The following ERP44 variants were observed in gnomAD, a reference collection of about 807,000 sequenced individuals.
ERP44 encodes the protein endoplasmic reticulum protein 44, also known as endoplasmic reticulum resident protein 44.
ERP44 carries 25 observed loss-of-function variants against 53.4 expected under a neutral mutation model. The ratio of observed to expected loss-of-function variants is 0.47; its 90% confidence interval spans 0.34 to 0.65. ERP44 has a LOEUF of 0.65. Ranked by LOEUF, ERP44 falls within the 30% of genes least tolerant of loss-of-function variation. ERP44 has a pLI of 0.01. For synonymous variants in ERP44, 145 were observed against 161.2 expected (o/e 0.90, Z 0.76); for missense variants, 338 against 493.2 (o/e 0.69, Z 2.98).
intron 10 of ERP44, among the ~76,000 whole-genome samples, chr9:100,002,944 G>C (rs143631600): frequency 7.8e-4 from 119 of 151,848 alleles, no homozygotes; most frequent in African/African-American, 2.8e-3. Context: ...CCTATAACTT[G>C]AATATTTACT....
At chr9:100,043,291 A>AAAAAAAAAAAAAAAAAAACAAAAAG (rs1168903331) in intron 4 of ERP44, among the ~76,000 whole-genome samples, 1 of 74,878 alleles carries the variant, frequency 1.3e-5, no homozygotes, top group African/African-American at 5.8e-5. Flanking sequence ...AAAAAAAAAA[A>AAAAAAAAAAAAAAAAAAACAAAAAG]GATAAATAAG....
chr9:100,094,757 T>A (rs559689788), intron 1 of ERP44, among the ~76,000 whole-genome samples: 5 of 151,186 alleles, frequency 3.3e-5, no homozygotes, highest in African/African-American at 9.7e-5. Flanking sequence ...GAGCCAGGAG[T>A]TCAAGACCAG....
In ERP44 at chr9:100,013,817, C is replaced by G. The variant is rs139672140; in HGVS notation, c.762+2505G>C. Among the ~76,000 whole-genome samples the G allele has an allele frequency of 4.5e-4, 69 of 152,198 alleles. 1 individual carries two copies. The highest frequency in any genetic ancestry group is 1.5e-3 in the African/African-American group (61 of 41,510). ...TATATATATCCAGTAGAAATCTGTG[C>G]ATATATTCACCAAAGACATAGATAA... On this transcript the variant is annotated intron_variant, in intron 8 of 11. Coordinates refer to ENST00000262455, the MANE Select transcript of ERP44 (RefSeq NM_015051.3).
intron 4 of ERP44, among the ~76,000 whole-genome samples, chr9:100,049,226 A>G (rs1170142713): frequency 6.6e-6 from 1 of 152,174 alleles, no homozygotes; most frequent in Non-Finnish European, 1.5e-5. Context: ...CCTGGGCAAC[A>G]TAAGGAGACC....
intron 1 of ERP44, among the ~76,000 whole-genome samples, chr9:100,088,443 T>C (rs1826511393): frequency 6.6e-6 from 1 of 152,180 alleles, no homozygotes; most frequent in Non-Finnish European, 1.5e-5. Flanking sequence ...CTCCCTCACT[T>C]GCTTCAAGGC....
intron 7 of ERP44, among the ~76,000 whole-genome samples, chr9:100,017,691 T>G (rs2118648290): frequency 6.6e-6 from 1 of 152,236 alleles, no homozygotes; most frequent in African/African-American, 2.4e-5. Flanking sequence ...GTAAAAAAAA[T>G]TGCAATGGCA....
chr9:100,082,858 G>A (rs1826442560), intron 1 of ERP44, among the ~76,000 whole-genome samples: 1 of 151,700 alleles, frequency 6.6e-6, no homozygotes, highest in African/African-American at 2.4e-5. Flanking sequence ...ATCCTCATGA[G>A]AATATATTTC....
chr9:100,031,554 C>T (rs1042752603), intron 4 of ERP44, among the ~76,000 whole-genome samples: 3 of 152,176 alleles, frequency 2.0e-5, no homozygotes, highest in Admixed American at 6.5e-5. Flanking sequence ...GACTCCCTCC[C>T]TCTCCACGAA....
chr9:100,039,693 A>G (rs950206896), intron 4 of ERP44, among the ~76,000 whole-genome samples: 3 of 152,122 alleles, frequency 2.0e-5, no homozygotes, highest in Admixed American at 6.5e-5. Flanking sequence ...AATAAATGAA[A>G]TTGAATTGAA....
At chr9:100,052,619 AG>A in intron 3 of ERP44, 87 bp from the exon 4 acceptor site, 7 of 576,306 alleles carry the variant, frequency 1.2e-5, no homozygotes, top group Admixed American at 2.6e-5. Context: ...CATTTGATAT[AG>A]GCATAATAAA....
At chr9:99,991,005 G>C (rs1830247903) in intron 10 of ERP44, among the ~76,000 whole-genome samples, 1 of 152,140 alleles carries the variant, frequency 6.6e-6, no homozygotes, top group Non-Finnish European at 1.5e-5. Flanking sequence ...GGAGCATCCA[G>C]ATTCATAAAG....
At chr9:100,007,313 T>C (rs1830432891) in intron 9 of ERP44, among the ~76,000 whole-genome samples, 1 of 152,234 alleles carries the variant, frequency 6.6e-6, no homozygotes, top group Non-Finnish European at 1.5e-5. Flanking sequence ...TGCCCAGAAC[T>C]AATGCTCATT....
At chr9:100,005,065 T>C (rs968543101) in intron 10 of ERP44, among the ~76,000 whole-genome samples, 6 of 152,212 alleles carry the variant, frequency 3.9e-5, no homozygotes, top group Non-Finnish European at 2.9e-5. Flanking sequence ...TAACACAGCA[T>C]GTAAGGACTT....
At chr9:100,095,729 A>G (rs1826620193) in intron 1 of ERP44, among the ~76,000 whole-genome samples, 2 of 152,252 alleles carry the variant, frequency 1.3e-5, no homozygotes, top group African/African-American at 4.8e-5. Flanking sequence ...TTTGTAAACT[A>G]TTGATCTAGG....
At chr9:100,038,937 A>T (rs959240643) in intron 4 of ERP44, among the ~76,000 whole-genome samples, 1 of 152,228 alleles carries the variant, frequency 6.6e-6, no homozygotes, top group African/African-American at 2.4e-5. Flanking sequence ...GGGTCAATTC[A>T]GCAAGAGGAT....
At chr9:100,068,704 G>A (rs1198285623) in intron 1 of ERP44, among the ~76,000 whole-genome samples, 2 of 149,258 alleles carry the variant, frequency 1.3e-5, no homozygotes, top group South Asian at 2.1e-4. Flanking sequence ...CGCCCCGTCC[G>A]GGAGGTGAGG....
intron 10 of ERP44, among the ~76,000 whole-genome samples, chr9:100,003,548 C>T (rs1350052892): frequency 2.0e-5 from 3 of 152,202 alleles, no homozygotes; most frequent in Non-Finnish European, 2.9e-5. Flanking sequence ...CACTGGCTGG[C>T]CTGGTGCCTG....
intron 1 of ERP44, among the ~76,000 whole-genome samples, chr9:100,064,163 G>C (rs556549384): frequency 4.3e-4 from 65 of 152,274 alleles, no homozygotes; most frequent in African/African-American, 1.4e-3. Context: ...CCTTAAATTA[G>C]TTATTTGCAC....
At chr9:100,072,574 G>A (rs1407586876) in intron 1 of ERP44, among the ~76,000 whole-genome samples, 2 of 152,176 alleles carry the variant, frequency 1.3e-5, no homozygotes. Flanking sequence ...CCAAGCTGGA[G>A]TGCAATGGAG....
Sources: gnomAD v4.1 joint callset for allele counts (sites outside exome capture counted in the v4.1 genomes callset) on GRCh38, gnomAD v4.1.1 for gene constraint, MANE v1.5 for transcripts, NCBI Gene and HGNC (gene_info 2026-07-23, HGNC 2026-07-21) for gene names.